HDAC8: variants seen among roughly 807,000 people sequenced by gnomAD.
HDAC8 encodes histone deacetylase-like 1.
HDAC8 carries 1 observed loss-of-function variant against 32.2 expected under a neutral mutation model. That is an observed-to-expected ratio of 0.03 (90% CI 0.01 to 0.15). The LOEUF (loss-of-function observed/expected upper bound fraction) is 0.15, where lower values mean the gene tolerates loss of function less well. HDAC8 is among the 10% of genes least tolerant of loss of function. The probability of loss-of-function intolerance (pLI) is 1.00; values close to 1 mark genes in which losing one functional copy is unlikely to be tolerated. For synonymous variants in HDAC8, 108 were observed against 113.9 expected (o/e 0.95, Z 0.33); for missense variants, 117 against 300.0 (o/e 0.39, Z 4.51).
chrX:72,354,391 GA>G (rs1356344228), intron 9 of HDAC8, among the ~76,000 whole-genome samples: 11 of 112,715 alleles, frequency 9.8e-5, no homozygotes, highest in African/African-American at 3.5e-4. Context: ...TGCAAAGGTA[GA>G]AACTTCTGTC....
chrX:72,373,657 G>A (rs192867263), intron 9 of HDAC8, among the ~76,000 whole-genome samples: 33 of 112,159 alleles, frequency 2.9e-4, no homozygotes, highest in African/African-American at 1.0e-3. Context: ...TATGAATAGT[G>A]CTGCTATGAA....
chrX:72,416,192 C>G (rs2046327274), intron 9 of HDAC8, among the ~76,000 whole-genome samples: 1 of 110,237 alleles, frequency 9.1e-6, no homozygotes, highest in African/African-American at 3.3e-5. Context: ...TTTTAAATTA[C>G]AAATTCAATT....
chrX:72,540,323 T>C (rs2147453848), intron 4 of HDAC8, among the ~76,000 whole-genome samples: 1 of 112,603 alleles, frequency 8.9e-6, no homozygotes, highest in Admixed American at 9.4e-5. Context: ...TTCATTCTTT[T>C]ATTCAAATTA....
At chrX:72,405,374 TG>T (rs1437209444) in intron 9 of HDAC8, among the ~76,000 whole-genome samples, 1 of 112,690 alleles carries the variant, frequency 8.9e-6, no homozygotes, top group Admixed American at 9.4e-5. Flanking sequence ...CTGTCATTGC[TG>T]GGCATTTAGG....
intron 9 of HDAC8, among the ~76,000 whole-genome samples, chrX:72,410,505 A>G (rs782813887): frequency 8.9e-6 from 1 of 111,845 alleles, no homozygotes; most frequent in African/African-American, 3.2e-5. Context: ...AGAAGATGAA[A>G]TCAGTGGTTG....
intron 4 of HDAC8, among the ~76,000 whole-genome samples, chrX:72,528,240 A>T (rs1377763948): frequency 9.1e-6 from 1 of 110,128 alleles, no homozygotes; most frequent in Non-Finnish European, 1.9e-5. Flanking sequence ...CTCTATCTCA[A>T]CCCCCTAGCA....
At chrX:72,493,911 A>T (rs2048946902) in intron 5 of HDAC8, among the ~76,000 whole-genome samples, 1 of 110,869 alleles carries the variant, frequency 9.0e-6, no homozygotes, top group South Asian at 3.9e-4. Context: ...CTGGTCTCAA[A>T]CTCATGGTTT....
chrX:72,348,015 C>CCTT (rs1335788608), intron 10 of HDAC8, among the ~76,000 whole-genome samples: 2 of 111,893 alleles, frequency 1.8e-5, no homozygotes, highest in African/African-American at 6.5e-5. Flanking sequence ...TTTGCCTGTC[C>CCTT]CTTCAGTCAT....
intron 4 of HDAC8, among the ~76,000 whole-genome samples, chrX:72,521,281 CT>C: frequency 9.0e-6 from 1 of 111,243 alleles, no homozygotes; most frequent in Admixed American, 9.6e-5. Flanking sequence ...GTCTTTCTCC[CT>C]TTTTCCCCCT....
chrX:72,342,301 G>A (rs1249977451), intron 10 of HDAC8, among the ~76,000 whole-genome samples: 1 of 112,557 alleles, frequency 8.9e-6, no homozygotes, highest in Non-Finnish European at 1.9e-5. Flanking sequence ...TGGGATGGGA[G>A]GTCTGCAGAC....
intron 4 of HDAC8, among the ~76,000 whole-genome samples, chrX:72,555,756 T>C (rs1025520526): frequency 3.5e-5 from 4 of 112,713 alleles, no homozygotes; most frequent in African/African-American, 1.3e-4. Flanking sequence ...TTTGGGACTA[T>C]GTTAAATGTC....
intron 9 of HDAC8, among the ~76,000 whole-genome samples, chrX:72,355,585 A>T (rs781836560): frequency 7.2e-5 from 8 of 111,420 alleles, no homozygotes; most frequent in Non-Finnish European, 5.7e-5. Flanking sequence ...TCCCTTCTCA[A>T]CCCTAGAGTC....
chrX:72,439,748 G>A (rs1230228956), intron 9 of HDAC8, among the ~76,000 whole-genome samples: 1 of 109,932 alleles, frequency 9.1e-6, no homozygotes, highest in Non-Finnish European at 1.9e-5. Context: ...TAATGGTAAA[G>A]GGATCAATGC....
At position 72,492,293 on chromosome X, in the gene HDAC8, A is replaced by G. The variant is rs187438104; in HGVS notation, c.551-1287T>C. 6.7e-4 allele frequency among the ~76,000 whole-genome samples: 75 copies of G among 111,994 alleles called. No homozygotes were observed. In the East Asian group the frequency reaches 0.02, roughly 29 times the overall value. Reference sequence around the variant, plus strand: ...TAGGCAGAAAGAATGGTTTTGCTCTAATTTGCCTTTCTTTGAGTATTAGAG... The same window carrying G: ...TAGGCAGAAAGAATGGTTTTGCTCTGATTTGCCTTTCTTTGAGTATTAGAG... On this transcript the variant is annotated intron_variant, in intron 5 of 10. Transcript: ENST00000373573.
At chrX:72,558,299 A>G (rs1291139985) in intron 4 of HDAC8, among the ~76,000 whole-genome samples, 1 of 111,861 alleles carries the variant, frequency 8.9e-6, no homozygotes, top group African/African-American at 3.3e-5. Flanking sequence ...AAAGAAAACT[A>G]CAGACCAAAG....
At chrX:72,477,012 C>T (rs1184447112) in intron 7 of HDAC8, among the ~76,000 whole-genome samples, 3 of 111,811 alleles carry the variant, frequency 2.7e-5, no homozygotes, top group African/African-American at 9.8e-5. Flanking sequence ...ACACAAAATT[C>T]GCTTTAAGAA....
chrX:72,487,171 C>T (rs1480956131), intron 7 of HDAC8, among the ~76,000 whole-genome samples: 3 of 111,471 alleles, frequency 2.7e-5, no homozygotes, highest in East Asian at 2.8e-4. Flanking sequence ...TTTTGTAAAG[C>T]GAAATCATGT....
At chrX:72,367,054 G>T (rs990198911) in intron 9 of HDAC8, among the ~76,000 whole-genome samples, 6 of 112,413 alleles carry the variant, frequency 5.3e-5, no homozygotes, top group Admixed American at 3.8e-4. Flanking sequence ...CTGCTGGTAA[G>T]AAGGGAGTAA....
At chrX:72,398,226 GA>G (rs782208288) in intron 9 of HDAC8, among the ~76,000 whole-genome samples, 2 of 112,235 alleles carry the variant, frequency 1.8e-5, no homozygotes, top group Non-Finnish European at 3.8e-5. Flanking sequence ...GATTACCAAG[GA>G]GGTTGAGCAT....
Sources: allele counts gnomAD v4.1 joint callset (sites outside exome capture counted in the v4.1 genomes callset), GRCh38; gene constraint gnomAD v4.1.1; transcripts MANE v1.5; gene names NCBI Gene and HGNC (gene_info 2026-07-23, HGNC 2026-07-21).